The following GRB14 variants were observed in gnomAD, a reference collection of about 807,000 sequenced individuals.
The protein encoded by GRB14 is growth factor receptor-bound protein 14.
A neutral mutation model predicts 69.1 loss-of-function variants in GRB14; 38 were observed. The observed-to-expected ratio is 0.55, with a 90% CI of 0.42 to 0.72. GRB14 has a LOEUF of 0.72. GRB14 is among the 30% of genes least tolerant of loss of function. The pLI, the probability that GRB14 is intolerant of heterozygous loss-of-function variation, is 0.00. For missense variants in GRB14, 666 were observed against 666.1 expected, an observed-to-expected ratio of 1.00 and a Z score of 0.00; for synonymous variants, 247 against 241.3, an observed-to-expected ratio of 1.02 and a Z score of -0.22.
intron 2 of GRB14, among the ~76,000 whole-genome samples, chr2:164,606,814 A>T (rs982922779): frequency 6.6e-6 from 1 of 152,244 alleles, no homozygotes; most frequent in African/African-American, 2.4e-5. Context: ...TACACAGTTA[A>T]ATAATACCAA....
intron 2 of GRB14, among the ~76,000 whole-genome samples, chr2:164,574,898 C>G (rs895621740): frequency 7.3e-5 from 11 of 151,614 alleles, no homozygotes; most frequent in Admixed American, 3.9e-4. Flanking sequence ...CCACTGAACT[C>G]CAGCCTGGGG....
intron 2 of GRB14, among the ~76,000 whole-genome samples, chr2:164,596,671 A>G: frequency 6.6e-6 from 1 of 152,214 alleles, no homozygotes; most frequent in African/African-American, 2.4e-5. Flanking sequence ...TAAAATACTG[A>G]TAAATACACA....
intron 6 of GRB14, among the ~76,000 whole-genome samples, chr2:164,512,652 A>G (rs1444155153): frequency 6.6e-6 from 1 of 152,234 alleles, no homozygotes; most frequent in Non-Finnish European, 1.5e-5. Flanking sequence ...TTCATGAAGC[A>G]TTATACCACA....
At chr2:164,562,364 A>G (rs535614563) in intron 2 of GRB14, among the ~76,000 whole-genome samples, 2 of 152,186 alleles carry the variant, frequency 1.3e-5, no homozygotes, top group Non-Finnish European at 2.9e-5. Context: ...TCATCAGCGT[A>G]TATAGTTGGA....
intron 2 of GRB14, among the ~76,000 whole-genome samples, chr2:164,555,186 T>C (rs999754077): frequency 2.0e-5 from 3 of 152,196 alleles, no homozygotes; most frequent in Admixed American, 6.5e-5. Flanking sequence ...CTCCAAGGAA[T>C]GGGATGGCAT....
chr2:164,543,498 T>C (rs904814560), intron 3 of GRB14, among the ~76,000 whole-genome samples: 4 of 152,186 alleles, frequency 2.6e-5, no homozygotes, highest in Non-Finnish European at 5.9e-5. Context: ...TATAATTTTA[T>C]TTATTGAAAA....
chr2:164,504,963 G>A (rs1042621731), intron 8 of GRB14, among the ~76,000 whole-genome samples: 8 of 152,160 alleles, frequency 5.3e-5, no homozygotes, highest in African/African-American at 1.9e-4. Context: ...ATGTTGAAAG[G>A]GCCCCCAGAC....
chr2:164,513,767 A>T (rs1244960517), intron 6 of GRB14, among the ~76,000 whole-genome samples: 1 of 152,236 alleles, frequency 6.6e-6, no homozygotes, highest in Middle Eastern at 3.2e-3. Flanking sequence ...AAAAACTGCC[A>T]GAGAAAAAAG....
chr2:164,505,120 A>C (rs1574248871), intron 8 of GRB14, among the ~76,000 whole-genome samples: 1 of 152,312 alleles, frequency 6.6e-6, no homozygotes, highest in East Asian at 1.9e-4. Context: ...AGAACAATAA[A>C]TTTATGTTGC....
At chr2:164,516,033 A>G (rs943029508) in intron 6 of GRB14, among the ~76,000 whole-genome samples, 12 of 151,936 alleles carry the variant, frequency 7.9e-5, no homozygotes, top group Non-Finnish European at 2.9e-5. Context: ...AAATAATTTA[A>G]AAGATGAACA....
intron 8 of GRB14, among the ~76,000 whole-genome samples, chr2:164,504,404 C>G (rs1687137600): frequency 6.6e-6 from 1 of 152,094 alleles, no homozygotes; most frequent in South Asian, 2.1e-4. Flanking sequence ...ATCAGGTGAT[C>G]CCAGCTGCAC....
In GRB14 at chr2:164,621,031, C is replaced by T; in HGVS notation, c.191+88G>A. ...TTTACAAACTTGGCCCAGCTCTGGG[C>T]ACATGGCTCACCCCCTAGGACCGCC... On this transcript the variant is annotated intron_variant, in intron 1 of 13. Coordinates refer to ENST00000263915, the MANE Select transcript of GRB14 (RefSeq NM_004490.3). The surrounding 1 kb of genome is among the most constrained non-coding windows in gnomAD (Gnocchi z 6.0). 8.9e-7 allele frequency: 1 copy of T among 1,122,514 alleles called. No homozygotes were observed. The allele number at this position is 1,122,514 out of a possible 1,614,324, so 69.5% of individuals were successfully genotyped here.
intron 5 of GRB14, among the ~76,000 whole-genome samples, chr2:164,524,062 T>C (rs1687704371): frequency 6.6e-6 from 1 of 152,050 alleles, no homozygotes; most frequent in African/African-American, 2.4e-5. Context: ...CTAATCATGT[T>C]TCAAAAATAT....
chr2:164,533,785 C>T (rs974916992), intron 3 of GRB14, among the ~76,000 whole-genome samples: 1 of 152,150 alleles, frequency 6.6e-6, no homozygotes, highest in African/African-American at 2.4e-5. Context: ...ATAATCCCAG[C>T]TACTCAGGAG....
At chr2:164,586,219 G>A (rs557521994) in intron 2 of GRB14, among the ~76,000 whole-genome samples, 3 of 152,202 alleles carry the variant, frequency 2.0e-5, no homozygotes, top group African/African-American at 7.2e-5. Context: ...GAAGCATAGA[G>A]TAACATATTT....
intron 2 of GRB14, among the ~76,000 whole-genome samples, chr2:164,604,398 G>A (rs1382633504): frequency 6.6e-6 from 1 of 152,058 alleles, no homozygotes; most frequent in Non-Finnish European, 1.5e-5. Flanking sequence ...TTATTCATAT[G>A]GATTAATCAA....
intron 2 of GRB14, among the ~76,000 whole-genome samples, chr2:164,564,022 A>G (rs1411662330): frequency 6.6e-6 from 1 of 152,178 alleles, no homozygotes; most frequent in Admixed American, 6.5e-5. Context: ...GAATTGACAA[A>G]TGAGTAATAA....
intron 6 of GRB14, among the ~76,000 whole-genome samples, chr2:164,515,879 A>T (rs13426023): frequency 0.029 from 4,423 of 151,998 alleles, 198 homozygotes; most frequent in African/African-American, 0.1. Context: ...ATAAAAAACA[A>T]TTACAACTTT....
At chr2:164,579,030 AT>A (rs201302538) in intron 2 of GRB14, among the ~76,000 whole-genome samples, 7 of 151,948 alleles carry the variant, frequency 4.6e-5, no homozygotes, top group African/African-American at 1.7e-4. Flanking sequence ...ACAGTGTCCA[AT>A]TTAAAAAAAA....
Sources: allele counts gnomAD v4.1 joint callset (sites outside exome capture counted in the v4.1 genomes callset), GRCh38; gene constraint gnomAD v4.1.1; non-coding constraint Gnocchi (gnomAD v3.1); transcripts MANE v1.5; gene names NCBI Gene and HGNC (gene_info 2026-07-23, HGNC 2026-07-21).